The following NPAS3 variants were observed in gnomAD, a reference collection of about 807,000 sequenced individuals.
NPAS3 encodes neuronal PAS domain-containing protein 3.
A neutral mutation model predicts 73.1 loss-of-function variants in NPAS3; 14 were observed. The observed-to-expected ratio is 0.19, with a 90% CI of 0.13 to 0.30. The LOEUF (loss-of-function observed/expected upper bound fraction) is 0.30, where lower values mean the gene tolerates loss of function less well. Among genes scored for constraint, NPAS3 ranks in the 10% least tolerant of loss-of-function variants. The probability of loss-of-function intolerance (pLI) is 1.00; values close to 1 mark genes in which losing one functional copy is unlikely to be tolerated. For missense variants in NPAS3, 1,096 were observed against 1,250.0 expected (o/e 0.88, Z 1.86); for synonymous variants, 620 against 541.5 (o/e 1.14, Z -2.01).
chr14:33,380,722 TA>T (rs2046510201), intron 4 of NPAS3, among the ~76,000 whole-genome samples: 1 of 152,164 alleles, frequency 6.6e-6, no homozygotes, highest in African/African-American at 2.4e-5. Context: ...TCTGGATGAA[TA>T]AAATGTGTAA....
intron 5 of NPAS3, among the ~76,000 whole-genome samples, chr14:33,600,976 T>A (rs183154600): frequency 2.0e-5 from 3 of 152,250 alleles, no homozygotes; most frequent in Non-Finnish European, 4.4e-5. Context: ...GCAGACATTT[T>A]TTTTTCAAAA....
intron 5 of NPAS3, among the ~76,000 whole-genome samples, chr14:33,629,112 G>A (rs1196082025): frequency 1.3e-5 from 2 of 152,062 alleles, no homozygotes; most frequent in Non-Finnish European, 2.9e-5. Flanking sequence ...GTGGGTGCCT[G>A]TAGTCCCAGC....
At chr14:33,796,659 C>A (rs1368463752) in intron 10 of NPAS3, among the ~76,000 whole-genome samples, 7 of 152,176 alleles carry the variant, frequency 4.6e-5, no homozygotes, top group Non-Finnish European at 8.8e-5. Flanking sequence ...TCTCCTCATC[C>A]ATCAGGTGGC....
intron 1 of NPAS3, among the ~76,000 whole-genome samples, chr14:32,940,780 G>T (rs1301315623): frequency 6.6e-6 from 1 of 152,274 alleles, no homozygotes; most frequent in East Asian, 1.9e-4. Context: ...CATTTAAAAG[G>T]CTTCTATTGT....
intron 1 of NPAS3, among the ~76,000 whole-genome samples, chr14:33,026,575 G>C (rs886859956): frequency 6.7e-6 from 1 of 148,448 alleles, no homozygotes; most frequent in Admixed American, 6.7e-5. Context: ...TGTTCTTCTT[G>C]CTGGTTTCTC....
intron 5 of NPAS3, among the ~76,000 whole-genome samples, chr14:33,662,284 T>C (rs2059329639): frequency 1.3e-5 from 2 of 152,216 alleles, no homozygotes; most frequent in Admixed American, 1.3e-4. Flanking sequence ...ATTGAAATAC[T>C]CTTCATCTTG....
Position 33,557,769 on chromosome 14 carries a change from G to A in NPAS3, c.469-2352G>A, listed in dbSNP as rs186512622. On this transcript the variant is annotated intron_variant, in intron 4 of 11. Coordinates refer to ENST00000356141, the Ensembl canonical transcript of NPAS3. ...CAGATCACGAGGTCAGGAGATCAAG[G>A]CCATCCTGGCTAACACGGTGAAACC... Among the ~76,000 whole-genome samples, 558 of 152,230 alleles carry A rather than the reference G, an allele frequency of 3.7e-3. 1 individual carries two copies. Among genetic ancestry groups the A allele is most frequent in the Non-Finnish European group, 5.9e-3 (399 of 68,006 alleles).
At position 33,800,460 on chromosome 14, in the gene NPAS3, C is replaced by T; in HGVS notation, c.2153C>T (p.Pro718Leu). 3 of 1,510,626 alleles carry T rather than the reference C, an allele frequency of 2.0e-6. No individual in the cohort carries two copies. The highest frequency in any genetic ancestry group is 2.7e-5 in the East Asian group (1 of 37,146). 93.6% of individuals were successfully genotyped at this position (1,510,626 alleles called of 1,614,324 possible). The change falls in exon 12 of 12, where the codon CCG becomes CTG. Residue 718 changes from proline (P) to leucine (L), a missense_variant. Pro to Leu is a moderately conservative substitution (Grantham distance 98). Around this residue, in one of 5 missense-constraint regions of NPAS3, gnomAD observed 698 missense variants for 676.7 expected, o/e 1.03. Transcript: ENST00000356141. The surrounding 1 kb of genome is among the most constrained non-coding windows in gnomAD (Gnocchi z 6.5). The stretch of plus-strand genomic sequence containing the variant: ...GCCATTCCCGACTCGGTCCTCACCC[C>T]GCCCGGCGCCGACGGCGCGGCCGCC...
At chr14:33,754,631 A>G (rs567537872) in intron 7 of NPAS3, among the ~76,000 whole-genome samples, 2 of 152,296 alleles carry the variant, frequency 1.3e-5, no homozygotes, top group South Asian at 4.1e-4. Flanking sequence ...GAATTTCCAG[A>G]AAGACAGAGG....
Position 33,147,137 on chromosome 14 carries a change from G to T in NPAS3, c.141-68045G>T, listed in dbSNP as rs1452914168. Among the ~76,000 whole-genome samples, 4 of 152,032 alleles carry T rather than the reference G, an allele frequency of 2.6e-5. No individual in the cohort carries two copies. In the South Asian group the frequency reaches 6.2e-4, roughly 24 times the overall value. On this transcript the variant is annotated intron_variant, in intron 2 of 11. Transcript: ENST00000356141. ...ACACAACCTTACAATAATTGAATGA[G>T]AAATTATTGATTGAATTTAATCTGC...
rs55885070 is a variant in NPAS3 at position 33,582,970 on chromosome 14, G to GTTTTTTTTTTTTTTTTTTTTTTTTT, written c.558+22776_558+22777insTTTTTTTTTTTTTTTTTTTTTTTTT. Among the ~76,000 whole-genome samples, 32 of 93,280 alleles carry GTTTTTTTTTTTTTTTTTTTTTTTTT rather than the reference G, an allele frequency of 3.4e-4. 3 individuals carry two copies. Among genetic ancestry groups the GTTTTTTTTTTTTTTTTTTTTTTTTT allele is most frequent in the African/African-American group, 1.6e-3 (20 of 12,784 alleles). 61.2% of individuals were successfully genotyped at this position (93,280 alleles called of 152,430 possible). A position where few individuals can be genotyped will look rare whatever the true frequency, so the allele number is the denominator to read the frequency against. On this transcript the variant is annotated intron_variant, in intron 5 of 11. Transcript: ENST00000356141. Reference sequence around the variant, plus strand: ...TCCTTTGGACCTAGATATTTAAAGGGTTTTTTTTTTTTTTTTGGCTACTGG... The same window carrying GTTTTTTTTTTTTTTTTTTTTTTTTT: ...TCCTTTGGACCTAGATATTTAAAGGGTTTTTTTTTTTTTTTTTTTTTTTTTTTTTTTTTTTTTTTTTGGCTACTGG...
At chr14:33,449,873 C>A (rs1391440677) in intron 4 of NPAS3, among the ~76,000 whole-genome samples, 1 of 152,100 alleles carries the variant, frequency 6.6e-6, no homozygotes, top group Non-Finnish European at 1.5e-5. Context: ...TTGATTTATT[C>A]CCAGCTGTGG....
chr14:33,553,736 T>C (rs1406201793), intron 4 of NPAS3, among the ~76,000 whole-genome samples: 1 of 152,210 alleles, frequency 6.6e-6, no homozygotes, highest in Admixed American at 6.5e-5. Context: ...TATACTTGAC[T>C]TAGATTCTTA....
At chr14:33,699,131 T>C (rs989167073) in intron 6 of NPAS3, among the ~76,000 whole-genome samples, 1 of 152,192 alleles carries the variant, frequency 6.6e-6, no homozygotes, top group Non-Finnish European at 1.5e-5. Flanking sequence ...TGTATACCCT[T>C]CTGTGCTGTT....
chr14:33,799,794 C>A, exon 12 of NPAS3: 1 of 1,611,406 alleles, frequency 6.2e-7, no homozygotes, highest in East Asian at 2.2e-5. Flanking sequence ...AGCGAAGACC[C>A]GGAGCCCGAC....
chr14:33,222,022 G>A (rs1385994429), intron 3 of NPAS3, among the ~76,000 whole-genome samples: 2 of 152,040 alleles, frequency 1.3e-5, no homozygotes, highest in East Asian at 1.9e-4. Context: ...GCTTAGGTTC[G>A]ATGAAGAATG....
intron 3 of NPAS3, among the ~76,000 whole-genome samples, chr14:33,290,037 T>C (rs1159886663): frequency 1.3e-5 from 2 of 152,138 alleles, no homozygotes; most frequent in Non-Finnish European, 2.9e-5. Flanking sequence ...CTACATCCAT[T>C]TGGGAGCTGC....
chr14:33,460,568 C>T lies in NPAS3; in HGVS notation c.468+93300C>T, dbSNP rs1015197973. ...TTCTGAATTCTAAACTTTCCTACAA[C>T]GTCCTAAATCTTTATAAGCTCATGA... On this transcript the variant is annotated intron_variant, in intron 4 of 11. Coordinates refer to ENST00000356141, the Ensembl canonical transcript of NPAS3. Among the ~76,000 whole-genome samples, 7 of 152,258 alleles carry T rather than the reference C, an allele frequency of 4.6e-5. No homozygotes were observed. The South Asian group carries it at 6.2e-4, about 14-fold the overall frequency.
At chr14:33,300,500 A>G (rs74615931) in intron 3 of NPAS3, among the ~76,000 whole-genome samples, 363 of 152,356 alleles carry the variant, frequency 2.4e-3, no homozygotes, top group African/African-American at 8.4e-3. Flanking sequence ...TGAAGCATGC[A>G]AAGTGTACTC....
Sources: allele counts gnomAD v4.1 joint callset (sites outside exome capture counted in the v4.1 genomes callset), GRCh38; gene constraint gnomAD v4.1.1; regional missense constraint gnomAD v4.1.1; non-coding constraint Gnocchi (gnomAD v3.1); transcripts MANE v1.5; gene names NCBI Gene and HGNC (gene_info 2026-07-23, HGNC 2026-07-21).